Variants in TMEM248 observed in about 807,000 individuals in gnomAD.
TMEM248 encodes the protein UPF0458 protein C7orf42.
A neutral mutation model predicts 30.3 loss-of-function variants in TMEM248; 9 were observed. That is an observed-to-expected ratio of 0.30 (90% CI 0.18 to 0.52). The LOEUF is 0.52. Among genes scored for constraint, TMEM248 ranks in the 20% least tolerant of loss-of-function variants. TMEM248 has a pLI of 0.97. For synonymous variants in TMEM248, 184 were observed against 154.4 expected (o/e 1.19, Z -1.42); for missense variants, 338 against 403.3 (o/e 0.84, Z 1.39).
chr7:66,932,617 G>T (rs1012385434), intron 1 of TMEM248, among the ~76,000 whole-genome samples: 2 of 149,900 alleles, frequency 1.3e-5, no homozygotes, highest in African/African-American at 2.5e-5. Flanking sequence ...CCAGGTTCAA[G>T]CAATTCTCCT....
At chr7:66,950,747 TTC>T (rs1284303746) in intron 4 of TMEM248, among the ~76,000 whole-genome samples, 12 of 152,232 alleles carry the variant, frequency 7.9e-5, no homozygotes, top group African/African-American at 2.4e-4. Context: ...CTATTTATTT[TTC>T]TGTTATATTT....
chr7:66,934,459 C>G (rs1791749400), intron 1 of TMEM248, among the ~76,000 whole-genome samples: 1 of 152,180 alleles, frequency 6.6e-6, no homozygotes, highest in African/African-American at 2.4e-5. Context: ...CTTTGGCCTC[C>G]CAAAGTGCTG....
intron 1 of TMEM248, among the ~76,000 whole-genome samples, chr7:66,927,083 G>A (rs558367878): frequency 6.6e-6 from 1 of 152,258 alleles, no homozygotes; most frequent in East Asian, 1.9e-4. Flanking sequence ...ATTTTAATAT[G>A]GGAGTACTTT....
intron 4 of TMEM248, among the ~76,000 whole-genome samples, chr7:66,950,427 G>T (rs558659310): frequency 1.7e-4 from 26 of 152,204 alleles, no homozygotes; most frequent in Admixed American, 5.9e-4. Flanking sequence ...CTTTTATTTG[G>T]CACTTCTCTT....
At chr7:66,953,671 C>T (rs572508442) in intron 6 of TMEM248, among the ~76,000 whole-genome samples, 228 of 152,154 alleles carry the variant, frequency 1.5e-3, no homozygotes, top group African/African-American at 5.2e-3. Flanking sequence ...GTGGCACTAT[C>T]TTGGCTCACT....
rs1422278366 is a variant in TMEM248 at position 66,933,102 on chromosome 7, C to T, written c.-18-8746C>T. Among the ~76,000 whole-genome samples, 4 of 152,146 alleles carry T rather than the reference C, an allele frequency of 2.6e-5. No individual in the cohort carries two copies. The East Asian group carries it at 7.7e-4, about 29-fold the overall frequency. On this transcript the variant is annotated intron_variant, in intron 1 of 6. Transcript: ENST00000341567. ...CTCGAACTCCTGACCTCAGGTGATCCGCCTGCTTCGACCTCCCAAAGTGCT... is the reference window on the plus strand; with the variant it reads ...CTCGAACTCCTGACCTCAGGTGATCTGCCTGCTTCGACCTCCCAAAGTGCT...
At chr7:66,945,326 C>T (rs554784708) in intron 3 of TMEM248, 65 bp downstream of exon 3, 46 of 1,540,528 alleles carry the variant, frequency 3.0e-5, no homozygotes, top group Non-Finnish European at 3.6e-5. Context: ...GAGGATGCAC[C>T]GTGTATGTTT....
chr7:66,948,852 C>T (rs1182686921), intron 4 of TMEM248, among the ~76,000 whole-genome samples, 158 bp downstream of exon 4: 1 of 152,164 alleles, frequency 6.6e-6, no homozygotes, highest in Non-Finnish European at 1.5e-5. Flanking sequence ...TTTAATTTGT[C>T]TAAAGGATTA....
chr7:66,943,206 G>A (rs12537955), intron 2 of TMEM248, among the ~76,000 whole-genome samples: 5,587 of 152,200 alleles, frequency 0.037, 159 homozygotes, highest in East Asian at 0.086. Flanking sequence ...CCACATCAGG[G>A]CTGAAAATGA....
At chr7:66,929,332 C>T (rs1199067928) in intron 1 of TMEM248, among the ~76,000 whole-genome samples, 1 of 150,632 alleles carries the variant, frequency 6.6e-6, no homozygotes, top group Non-Finnish European at 1.5e-5. Flanking sequence ...TAGGCAATGA[C>T]GGTAGACGTT....
intron 1 of TMEM248, among the ~76,000 whole-genome samples, chr7:66,937,960 A>G (rs1450768501): frequency 6.6e-6 from 1 of 152,150 alleles, no homozygotes; most frequent in East Asian, 1.9e-4. Flanking sequence ...TCCTGACCTC[A>G]GGTGATCTGC....
intron 1 of TMEM248, among the ~76,000 whole-genome samples, chr7:66,925,634 G>A (rs1791502810): frequency 6.6e-6 from 1 of 151,848 alleles, no homozygotes. Flanking sequence ...TCAATTTGGG[G>A]TAGTATATAT....
At chr7:66,955,447 T>A (rs1051667339) in intron 6 of TMEM248, 55 bp from the exon 7 acceptor site, 1 of 1,611,808 alleles carries the variant, frequency 6.2e-7, no homozygotes, top group Non-Finnish European at 8.5e-7. Context: ...GGGTAGGGGC[T>A]GAGTTACCTA....
intron 1 of TMEM248, among the ~76,000 whole-genome samples, chr7:66,933,976 T>C (rs1244023213): frequency 6.6e-6 from 1 of 151,622 alleles, no homozygotes; most frequent in Non-Finnish European, 1.5e-5. Context: ...TTTTTTTTTT[T>C]CCTAAACAGA....
At chr7:66,932,735 C>T (rs1287506770) in intron 1 of TMEM248, among the ~76,000 whole-genome samples, 2 of 151,180 alleles carry the variant, frequency 1.3e-5, no homozygotes, top group Admixed American at 1.3e-4. Context: ...AAGCTAGTCT[C>T]GAACTCCTGA....
At chr7:66,921,578 C>T (rs1349454722) in intron 1 of TMEM248, 117 bp downstream of exon 1, 1 of 152,264 alleles carries the variant, frequency 6.6e-6, no homozygotes, top group African/African-American at 2.4e-5. Context: ...TTCACCGCTT[C>T]TCAGGGTGCA....
chr7:66,951,186 G>C (rs554534754), intron 5 of TMEM248, 51 bp downstream of exon 5: 3 of 1,459,768 alleles, frequency 2.1e-6, no homozygotes, highest in Non-Finnish European at 1.8e-6. Flanking sequence ...ATATGCACAT[G>C]TGTGCGCATG....
chr7:66,953,429 C>T (rs1179085258), intron 6 of TMEM248, 60 bp downstream of exon 6: 2 of 1,571,070 alleles, frequency 1.3e-6, no homozygotes, highest in Non-Finnish European at 1.7e-6. Context: ...TACAGAAAGT[C>T]CCAGTTATCC....
At chr7:66,948,844 T>A in intron 4 of TMEM248, 150 bp downstream of exon 4, 1 of 893,214 alleles carries the variant, frequency 1.1e-6, no homozygotes, top group Non-Finnish European at 1.6e-6. Context: ...AAGGATTATT[T>A]AATTTGTCTA....
Sources: allele counts gnomAD v4.1 joint callset (sites outside exome capture counted in the v4.1 genomes callset), GRCh38; gene constraint gnomAD v4.1.1; transcripts MANE v1.5; gene names NCBI Gene and HGNC (gene_info 2026-07-23, HGNC 2026-07-21).